The following SORCS3 variants were observed in gnomAD, a reference collection of about 807,000 sequenced individuals.
SORCS3 encodes sortilin related VPS10 domain containing receptor 3, also known as VPS10 domain-containing receptor SorCS3.
Under a neutral mutation model 146.3 loss-of-function variants are expected in SORCS3, and 57 were observed. The ratio of observed to expected loss-of-function variants is 0.39; its 90% confidence interval spans 0.31 to 0.49. The LOEUF is 0.49. Ranked by LOEUF, SORCS3 falls within the 20% of genes least tolerant of loss-of-function variation. The probability of loss-of-function intolerance (pLI) is 0.92; values close to 1 mark genes in which losing one functional copy is unlikely to be tolerated. For synonymous variants in SORCS3, 653 were observed against 618.5 expected (o/e 1.06, Z -0.83); for missense variants, 1,341 against 1,575.5 (o/e 0.85, Z 2.52).
At chr10:104,742,560 G>A (rs2016860810) in intron 1 of SORCS3, among the ~76,000 whole-genome samples, 1 of 152,182 alleles carries the variant, frequency 6.6e-6, no homozygotes, top group Admixed American at 6.5e-5. Context: ...CCAGGAATTT[G>A]ACTCAGTTTG....
chr10:105,249,780 G>A (rs1050345170), intron 22 of SORCS3, among the ~76,000 whole-genome samples: 1 of 152,126 alleles, frequency 6.6e-6, no homozygotes, highest in African/African-American at 2.4e-5. Flanking sequence ...CAGCTACTCA[G>A]GAGGCTGAGG....
chr10:104,921,348 A>G (rs1276347017), intron 3 of SORCS3, among the ~76,000 whole-genome samples: 3 of 152,174 alleles, frequency 2.0e-5, no homozygotes, highest in Admixed American at 2.0e-4. Context: ...AAATGCAGGC[A>G]TGTTATTGTC....
chr10:105,170,626 C>A (rs1035280560), intron 13 of SORCS3, among the ~76,000 whole-genome samples: 2 of 152,162 alleles, frequency 1.3e-5, no homozygotes, highest in African/African-American at 4.8e-5. Flanking sequence ...TGACAGAGAC[C>A]ATGATTTTTG....
chr10:104,741,681 TCTTTC>T (rs2016844042), intron 1 of SORCS3, among the ~76,000 whole-genome samples: 1 of 145,308 alleles, frequency 6.9e-6, no homozygotes, highest in South Asian at 2.2e-4. Context: ...GTTTCTTTCC[TCTTTC>T]CTTTCCATTC....
chr10:104,735,456 GTTTTTTTTT>G (rs56203751), intron 1 of SORCS3, among the ~76,000 whole-genome samples: 7 of 34,994 alleles, frequency 2.0e-4, no homozygotes, highest in Non-Finnish European at 2.9e-4. Context: ...CTCACCGTCT[GTTTTTTTTT>G]TTTTTTTTTT....
At chr10:105,127,315 T>C (rs550256301) in intron 7 of SORCS3, among the ~76,000 whole-genome samples, 11 of 152,248 alleles carry the variant, frequency 7.2e-5, no homozygotes, top group Admixed American at 2.0e-4. Flanking sequence ...TTGTAAAAGT[T>C]CATGCAATTG....
At chr10:104,944,047 T>G (rs2019345954) in intron 3 of SORCS3, among the ~76,000 whole-genome samples, 1 of 152,190 alleles carries the variant, frequency 6.6e-6, no homozygotes, top group African/African-American at 2.4e-5. Context: ...GCCTCCCAAG[T>G]GCATGCCACC....
intron 1 of SORCS3, among the ~76,000 whole-genome samples, chr10:104,748,562 C>G (rs2016942626): frequency 6.6e-6 from 1 of 152,134 alleles, no homozygotes; most frequent in South Asian, 2.1e-4. Flanking sequence ...ATAGGATTCT[C>G]TAGACTCCTG....
intron 5 of SORCS3, among the ~76,000 whole-genome samples, chr10:105,057,653 A>G (rs1482588352): frequency 2.6e-5 from 4 of 152,106 alleles, no homozygotes; most frequent in East Asian, 3.9e-4. Flanking sequence ...AGACCCCTTC[A>G]TTTACTTGGT....
chr10:105,114,797 A>G (rs2055882603), intron 7 of SORCS3, among the ~76,000 whole-genome samples: 1 of 152,188 alleles, frequency 6.6e-6, no homozygotes, highest in African/African-American at 2.4e-5. Flanking sequence ...CCTGGCGAAG[A>G]AAAAAGAAAC....
At chr10:105,027,870 G>T in intron 4 of SORCS3, among the ~76,000 whole-genome samples, 1 of 152,192 alleles carries the variant, frequency 6.6e-6, no homozygotes, top group Middle Eastern at 3.2e-3. Flanking sequence ...TGGTAGAGCA[G>T]CTTCCTTGCT....
intron 6 of SORCS3, among the ~76,000 whole-genome samples, chr10:105,100,920 T>C (rs1293471156): frequency 6.6e-6 from 1 of 152,232 alleles, no homozygotes; most frequent in East Asian, 1.9e-4. Context: ...ACATACTAAA[T>C]TGTCTGTGCC....
At chr10:104,886,564 A>G (rs1309278337) in intron 2 of SORCS3, among the ~76,000 whole-genome samples, 1 of 82,918 alleles carries the variant, frequency 1.2e-5, no homozygotes, top group Non-Finnish European at 2.6e-5. Flanking sequence ...TCATCTATCT[A>G]TCTATCTATC....
intron 1 of SORCS3, among the ~76,000 whole-genome samples, chr10:104,826,539 C>A (rs2017937513): frequency 6.6e-6 from 1 of 152,106 alleles, no homozygotes; most frequent in Non-Finnish European, 1.5e-5. Context: ...AGCATCATGT[C>A]TAAAAAAATG....
At chr10:105,059,882 A>G (rs963927034) in intron 5 of SORCS3, among the ~76,000 whole-genome samples, 5 of 152,238 alleles carry the variant, frequency 3.3e-5, no homozygotes, top group African/African-American at 1.2e-4. Context: ...AGAGCCTCGC[A>G]TTGAGCCCAG....
At position 105,216,932 on chromosome 10, in the gene SORCS3, G is replaced by A. The variant is rs200505923; in HGVS notation, c.2548-4G>A. Reference sequence around the variant, plus strand: ...ATTGACCCGTCTGCTATGCCATCTTGCAGGGTGATCTACAAAGGACAAACA... The same window carrying A: ...ATTGACCCGTCTGCTATGCCATCTTACAGGGTGATCTACAAAGGACAAACA... On this transcript the variant is annotated splice_polypyrimidine_tract_variant and splice_region_variant and intron_variant, in intron 18 of 26. Transcript: ENST00000369701. The A allele has an allele frequency of 5.2e-5, 84 of 1,613,976 alleles. No homozygotes were observed. The African/African-American group carries it at 8.0e-4, about 15-fold the overall frequency.
At chr10:104,691,684 G>A (rs1337159483) in intron 1 of SORCS3, among the ~76,000 whole-genome samples, 1 of 152,176 alleles carries the variant, frequency 6.6e-6, no homozygotes, top group Non-Finnish European at 1.5e-5. Context: ...GCATGTAATT[G>A]TTTATATGTC....
chr10:104,789,341 T>C (rs2017471521), intron 1 of SORCS3, among the ~76,000 whole-genome samples: 1 of 152,154 alleles, frequency 6.6e-6, no homozygotes, highest in Admixed American at 6.5e-5. Flanking sequence ...TGGGAGTCTA[T>C]GGGAGGAAAA....
intron 2 of SORCS3, among the ~76,000 whole-genome samples, chr10:104,893,227 C>A (rs1428494228): frequency 1.3e-5 from 2 of 152,152 alleles, no homozygotes; most frequent in African/African-American, 4.8e-5. Context: ...GGAAAATGGG[C>A]AGGTATTTGG....
Sources: gnomAD v4.1 joint callset for allele counts (sites outside exome capture counted in the v4.1 genomes callset) on GRCh38, gnomAD v4.1.1 for gene constraint, MANE v1.5 for transcripts, NCBI Gene and HGNC (gene_info 2026-07-23, HGNC 2026-07-21) for gene names.